The following NIPSNAP2 variants were observed in gnomAD, a reference collection of about 807,000 sequenced individuals.
NIPSNAP2 encodes the protein nipsnap homolog 2, also known as protein NipSnap homolog 2.
NIPSNAP2 carries 42 observed loss-of-function variants against 48.4 expected under a neutral mutation model. The ratio of observed to expected loss-of-function variants is 0.87; its 90% CI spans 0.68 to 1.12. NIPSNAP2 has a LOEUF of 1.12. NIPSNAP2 is among the 50% of genes most tolerant of loss of function. The pLI is 0.00. For synonymous variants in NIPSNAP2, 158 were observed against 126.6 expected (o/e 1.25, Z -1.67); for missense variants, 314 against 347.3 (o/e 0.90, Z 0.76).
rs191320317 is a variant in NIPSNAP2, at chr7:55,991,238, T to C, written c.618-3656T>C. On this transcript the variant is annotated intron_variant, in intron 7 of 9. Transcript: ENST00000322090. Reference sequence around the variant, plus strand: ...ATCATCAAAGGCTAAATAATGGAAGTTAGAATTTCTTTTCATTTGAAAACT... The same window carrying C: ...ATCATCAAAGGCTAAATAATGGAAGCTAGAATTTCTTTTCATTTGAAAACT... Among the ~76,000 whole-genome samples, 7 of 152,312 alleles carry C rather than the reference T, an allele frequency of 4.6e-5. No homozygotes were observed. In the East Asian group the frequency reaches 1.4e-3, roughly 29 times the overall value.
intron 1 of NIPSNAP2, among the ~76,000 whole-genome samples, chr7:55,977,026 A>G (rs1156628468): frequency 1.3e-5 from 2 of 152,236 alleles, no homozygotes; most frequent in African/African-American, 4.8e-5. Flanking sequence ...GTGTTAATAA[A>G]GTTGGTATTC....
intron 5 of NIPSNAP2, among the ~76,000 whole-genome samples, chr7:55,983,013 C>T (rs1190543512): frequency 6.6e-6 from 1 of 152,020 alleles, no homozygotes; most frequent in Non-Finnish European, 1.5e-5. Context: ...ATCCCAGCCA[C>T]TCGGGAGGCT....
chr7:55,986,591 G>T (rs961453729), intron 7 of NIPSNAP2, among the ~76,000 whole-genome samples: 2 of 152,004 alleles, frequency 1.3e-5, no homozygotes, highest in Non-Finnish European at 2.9e-5. Context: ...GAACCTGGGA[G>T]ACAGAGGTTG....
Position 55,970,194 on chromosome 7 carries a change from T to C in NIPSNAP2, c.92+5493T>C, listed in dbSNP as rs115774054. ...ATCTAGTGAGTATTTATTGAGTGCCTTCTGCATACCTGGTGCTGCTGGGCA... is the reference window on the plus strand; with the variant it reads ...ATCTAGTGAGTATTTATTGAGTGCCCTCTGCATACCTGGTGCTGCTGGGCA... On this transcript the variant is annotated intron_variant, in intron 1 of 9. Coordinates refer to ENST00000322090, the MANE Select transcript of NIPSNAP2 (RefSeq NM_001483.3). 7.8e-3 allele frequency among the ~76,000 whole-genome samples: 1,186 copies of C among 152,124 alleles called. 12 individuals carry two copies. The highest frequency in any genetic ancestry group is 0.026 in the African/African-American group (1,074 of 41,498).
At position 55,982,214 on chromosome 7, in the gene NIPSNAP2, C is replaced by A; in HGVS notation, c.378C>A (p.His126Gln). 3.1e-6 allele frequency: 5 copies of A among 1,601,962 alleles called. No homozygotes were observed. Among genetic ancestry groups the A allele is most frequent in the Non-Finnish European group, 4.3e-6 (5 of 1,169,370 alleles). ...TWYGEQDQAV[H>Q]LWRYEGGYPA... Reference sequence around the variant, plus strand: ...GTCTTTTAAAATGCATTTCAGTCCACCTCTGGAGGTATGAAGGAGGCTATC... The same window carrying A: ...GTCTTTTAAAATGCATTTCAGTCCAACTCTGGAGGTATGAAGGAGGCTATC... Residue 126 changes from histidine to glutamine, a missense_variant, in exon 5 of 10, where the codon CAC (histidine) becomes CAA (glutamine). Physicochemically the swap from His to Gln is conservative, Grantham distance 24. This residue lies in a region of NIPSNAP2 where 198 missense variants were observed against 185.5 expected (regional missense o/e 1.07). Transcript: ENST00000322090.
intron 3 of NIPSNAP2, chr7:55,979,865 C>G (rs1474508664): frequency 2.2e-6 from 1 of 456,662 alleles, no homozygotes; most frequent in Admixed American, 2.3e-5. Context: ...CAAGTACTGC[C>G]TGCCTTACAA....
At chr7:55,998,881 A>G (rs1584354788) in intron 9 of NIPSNAP2, 127 bp from the exon 10 acceptor site, 2 of 801,832 alleles carry the variant, frequency 2.5e-6, no homozygotes, top group Non-Finnish European at 2.2e-6. Context: ...TTAGTCCTGT[A>G]TATTATGATA....
intron 7 of NIPSNAP2, among the ~76,000 whole-genome samples, chr7:55,990,424 GGTTTCACTGT>G (rs1787419647): frequency 6.6e-6 from 1 of 151,890 alleles, no homozygotes; most frequent in African/African-American, 2.4e-5. Context: ...GTAGAGACGG[GGTTTCACTGT>G]GTTAGCCAGG....
At chr7:55,992,972 A>G (rs1333506336) in intron 7 of NIPSNAP2, among the ~76,000 whole-genome samples, 6 of 151,946 alleles carry the variant, frequency 3.9e-5, no homozygotes. Flanking sequence ...GCATCACTAA[A>G]TATTTTTTTT....
intron 1 of NIPSNAP2, among the ~76,000 whole-genome samples, chr7:55,974,264 A>G (rs975220857): frequency 1.4e-4 from 14 of 102,638 alleles, no homozygotes; most frequent in Admixed American, 5.5e-4. Flanking sequence ...TAAGCAAAAA[A>G]AAAGAAAGAA....
rs1787433047 is a variant in NIPSNAP2, at chr7:55,990,990, C to G, written c.618-3904C>G. Among the ~76,000 whole-genome samples, 3 of 151,918 alleles carry G rather than the reference C, an allele frequency of 2.0e-5. No individual in the cohort carries two copies. The South Asian group carries it at 6.2e-4, about 31-fold the overall frequency. On this transcript the variant is annotated intron_variant, in intron 7 of 9. Transcript: ENST00000322090. ...ATTTTTAGTAGAGACAGAGTTTCGC[C>G]ATGTTGGCCAGGCTGATCTCGAACT...
At position 55,999,161 on chromosome 7, in the gene NIPSNAP2, A is replaced by G; in HGVS notation, c.*89A>G. ...TAATTGTGTATCAAGTGAAAAAGAAACACTGAGGTTTTAAGCTGCTGTATA... is the reference window on the plus strand; with the variant it reads ...TAATTGTGTATCAAGTGAAAAAGAAGCACTGAGGTTTTAAGCTGCTGTATA... On this transcript the variant is annotated 3_prime_UTR_variant, in exon 10 of 10. Coordinates refer to ENST00000322090, the MANE Select transcript of NIPSNAP2 (RefSeq NM_001483.3). The G allele has an allele frequency of 8.8e-7, 1 of 1,132,442 alleles. No individual in the cohort carries two copies. The highest frequency in any genetic ancestry group is 1.3e-6 in the Non-Finnish European group (1 of 755,600). 70.1% of individuals were successfully genotyped at this position (1,132,442 alleles called of 1,614,324 possible).
At chr7:55,981,692 TTAAAG>T (rs1427731192) in intron 4 of NIPSNAP2, 125 bp downstream of exon 4, 2 of 608,884 alleles carry the variant, frequency 3.3e-6, no homozygotes, top group Non-Finnish European at 5.7e-6. Context: ...AATTTTATGA[TTAAAG>T]TAGTTTCTTC....
intron 7 of NIPSNAP2, among the ~76,000 whole-genome samples, chr7:55,988,299 G>A (rs1787372033): frequency 6.6e-6 from 1 of 152,020 alleles, no homozygotes; most frequent in Non-Finnish European, 1.5e-5. Flanking sequence ...ACTTTTTAAC[G>A]GACAAAGGAT....
rs996208497 is a variant in NIPSNAP2 at position 55,984,993 on chromosome 7, T to TA, written c.617+117dup. ...ATAGTACTGTGACTTAACACTGCAC[T>TA]AATGTTTCGTTTGATGTTTTTATTA... On this transcript the variant is annotated intron_variant, in intron 7 of 9. Transcript: ENST00000322090. 121 of 722,678 alleles carry TA rather than the reference T, an allele frequency of 1.7e-4. No homozygotes were observed. In the African/African-American group the frequency reaches 2.1e-3, roughly 12 times the overall value. The allele number at this position is 722,678 out of a possible 1,614,324, so 44.8% of individuals were successfully genotyped here.
At chr7:55,972,913 G>C (rs1053268724) in intron 1 of NIPSNAP2, among the ~76,000 whole-genome samples, 2 of 152,064 alleles carry the variant, frequency 1.3e-5, no homozygotes, top group Admixed American at 1.3e-4. Flanking sequence ...GACCAACCTG[G>C]GCAGCATGGT....
chr7:55,972,507 A>G (rs1584339575), intron 1 of NIPSNAP2, among the ~76,000 whole-genome samples: 1 of 141,976 alleles, frequency 7.0e-6, no homozygotes, highest in African/African-American at 2.7e-5. Context: ...ATCTCGGCCC[A>G]CTACACCCTG....
In NIPSNAP2 at chr7:55,978,213, C is replaced by T. The variant is rs1562763759; in HGVS notation, c.180C>T (p.Ala60=). 1 of 1,614,092 alleles carries T rather than the reference C, an allele frequency of 6.2e-7. No individual in the cohort carries two copies. Among genetic ancestry groups the T allele is most frequent in the Non-Finnish European group, 8.5e-7 (1 of 1,180,022 alleles). ...GGAAAGTTGATCCAAGAAAAGATGC[C>T]CACTCCAATCTCCTAGCCAAAAAGG... ...FVRKVDPRKD[A]HSNLLAKKET... is the part of the protein sequence containing the mutation. The change falls in exon 2 of 10, where the codon GCC becomes GCT. Residue 60 remains alanine (A), a synonymous_variant. Coordinates refer to ENST00000322090, the MANE Select transcript of NIPSNAP2 (RefSeq NM_001483.3).
chr7:55,976,155 G>A (rs956303680), intron 1 of NIPSNAP2, among the ~76,000 whole-genome samples: 2 of 151,806 alleles, frequency 1.3e-5, no homozygotes, highest in Non-Finnish European at 2.9e-5. Flanking sequence ...ATGTTCCCCA[G>A]ATGTCATCAC....
Sources: gnomAD v4.1 joint callset for allele counts (sites outside exome capture counted in the v4.1 genomes callset) on GRCh38, gnomAD v4.1.1 for gene constraint, gnomAD v4.1.1 regional missense constraint, MANE v1.5 for transcripts, NCBI Gene and HGNC (gene_info 2026-07-23, HGNC 2026-07-21) for gene names.